The following SCFD1 variants were observed in gnomAD, a reference collection of about 807,000 sequenced individuals.
The protein encoded by SCFD1 is sec1 family domain containing 1, also known as sec1 family domain-containing protein 1.
A neutral mutation model predicts 103.2 loss-of-function variants in SCFD1; 37 were observed. The ratio of observed to expected loss-of-function variants is 0.36; its 90% CI spans 0.28 to 0.47. SCFD1 has a LOEUF of 0.47. Ranked by LOEUF, SCFD1 falls within the 20% of genes least tolerant of loss-of-function variation. The pLI, the probability that SCFD1 is intolerant of heterozygous loss-of-function variation, is 1.00. For synonymous variants in SCFD1, 264 were observed against 245.0 expected (o/e 1.08, Z -0.73); for missense variants, 639 against 761.2 (o/e 0.84, Z 1.89).
At chr14:30,710,383 CA>C (rs759817101) in intron 19 of SCFD1, among the ~76,000 whole-genome samples, 7 of 128,814 alleles carry the variant, frequency 5.4e-5, no homozygotes, top group Admixed American at 1.7e-4. Flanking sequence ...TAGGTATTGA[CA>C]GGGGGTAGGA....
intron 7 of SCFD1, among the ~76,000 whole-genome samples, chr14:30,649,067 T>C (rs1259917577): frequency 6.6e-6 from 1 of 152,146 alleles, no homozygotes; most frequent in Non-Finnish European, 1.5e-5. Flanking sequence ...TCACATTGAT[T>C]GGTCAGCTCC....
intron 7 of SCFD1, among the ~76,000 whole-genome samples, chr14:30,648,075 T>G (rs566857907): frequency 3.9e-5 from 6 of 152,326 alleles, no homozygotes; most frequent in Non-Finnish European, 5.9e-5. Flanking sequence ...CGTATTTTTG[T>G]TTTTTTACAT....
At chr14:30,660,179 C>G (rs1360667905) in intron 10 of SCFD1, among the ~76,000 whole-genome samples, 2 of 152,102 alleles carry the variant, frequency 1.3e-5, no homozygotes, top group Non-Finnish European at 2.9e-5. Context: ...CAGTTCCTCC[C>G]TCCTCACTTC....
At chr14:30,734,712 C>A in intron 23 of SCFD1, 78 bp from the exon 24 acceptor site, 1 of 1,102,376 alleles carries the variant, frequency 9.1e-7, no homozygotes, top group Non-Finnish European at 1.4e-6. Context: ...AAAAAACTAG[C>A]ATATTAATCT....
intron 15 of SCFD1, among the ~76,000 whole-genome samples, chr14:30,698,764 G>A (rs1275149766): frequency 6.6e-6 from 1 of 152,182 alleles, no homozygotes; most frequent in African/African-American, 2.4e-5. Flanking sequence ...CAAGGAAATG[G>A]GAAAGTACCA....
intron 14 of SCFD1, among the ~76,000 whole-genome samples, chr14:30,694,254 T>G (rs1890527782): frequency 6.6e-6 from 1 of 152,210 alleles, no homozygotes; most frequent in African/African-American, 2.4e-5. Context: ...TTTTTATCTT[T>G]GCTAATATAT....
At chr14:30,717,582 T>C (rs142138342) in intron 20 of SCFD1, among the ~76,000 whole-genome samples, 101 of 152,258 alleles carry the variant, frequency 6.6e-4, no homozygotes, top group African/African-American at 1.9e-3. Context: ...ATTTATTGAG[T>C]ACTTATCATG....
chr14:30,672,029 G>A (rs8006314), intron 11 of SCFD1, among the ~76,000 whole-genome samples: 71,522 of 147,054 alleles, frequency 0.49, 20,093 homozygotes, highest in African/African-American at 0.78. Context: ...AAAAAAAAAA[G>A]AAAGAAAAGA....
At chr14:30,705,933 C>A in intron 18 of SCFD1, 48 bp downstream of exon 18, 1 of 1,454,328 alleles carries the variant, frequency 6.9e-7, no homozygotes, top group Non-Finnish European at 9.6e-7. Context: ...CAAAACCTTA[C>A]TTAGACTTTC....
chr14:30,697,074 G>T lies in SCFD1; in HGVS notation c.1339+2205G>T, dbSNP rs182100453. ...TAAATATAGATTGTATGTTGGGGGG[G>T]GCGGTGTATACTCATGTATTCCGTA... is the stretch of plus-strand genomic sequence containing the variant. On this transcript the variant is annotated intron_variant, in intron 15 of 24. Transcript: ENST00000458591. 2.3e-4 allele frequency among the ~76,000 whole-genome samples: 35 copies of T among 152,166 alleles called. No homozygotes were observed. The East Asian group carries it at 4.6e-3, about 20-fold the overall frequency.
chr14:30,714,731 C>G (rs1892155148), intron 19 of SCFD1, among the ~76,000 whole-genome samples: 1 of 151,974 alleles, frequency 6.6e-6, no homozygotes, highest in Admixed American at 6.5e-5. Flanking sequence ...TATAAACAAT[C>G]AGATTGAATG....
intron 14 of SCFD1, among the ~76,000 whole-genome samples, chr14:30,675,956 A>G (rs920403059): frequency 6.6e-6 from 1 of 152,168 alleles, no homozygotes; most frequent in African/African-American, 2.4e-5. Flanking sequence ...TCTTTGTTTC[A>G]CATCTTGGTA....
At chr14:30,720,170 G>A (rs1282974402) in intron 21 of SCFD1, among the ~76,000 whole-genome samples, 1 of 152,114 alleles carries the variant, frequency 6.6e-6, no homozygotes, top group African/African-American at 2.4e-5. Context: ...AACTTGAAAC[G>A]TTATTCCCTT....
rs1182473460 is a variant in SCFD1, at chr14:30,703,964, A to ATAT, written c.1490+1589_1490+1590insTAT. Among the ~76,000 whole-genome samples, 108 of 35,130 alleles carry ATAT rather than the reference A, an allele frequency of 3.1e-3. 10 individuals are homozygous for ATAT. Among genetic ancestry groups the ATAT allele is most frequent in the Non-Finnish European group, 3.6e-3 (79 of 22,012 alleles). 23.0% of individuals were successfully genotyped at this position (35,130 alleles called of 152,430 possible). On this transcript the variant is annotated intron_variant, in intron 17 of 24. Transcript: ENST00000458591. ...ATATATATATATATATATATATATAAATAATGAGATATCTTGGGGATGGGA... is the reference window on the plus strand; with the variant it reads ...ATATATATATATATATATATATATAATATATAATGAGATATCTTGGGGATGGGA...
At chr14:30,705,928 C>T (rs750175065) in intron 18 of SCFD1, 43 bp downstream of exon 18, 8 of 1,488,382 alleles carry the variant, frequency 5.4e-6, no homozygotes, top group Non-Finnish European at 7.5e-6. Context: ...GTACTCAAAA[C>T]CTTACTTAGA....
intron 10 of SCFD1, among the ~76,000 whole-genome samples, chr14:30,667,773 G>T (rs1888141274): frequency 6.6e-6 from 1 of 152,156 alleles, no homozygotes; most frequent in African/African-American, 2.4e-5. Flanking sequence ...CAGACAAAGA[G>T]CCAAATCCTG....
chr14:30,735,458 T>A, intron 24 of SCFD1, 128 bp from the exon 25 acceptor site: 1 of 696,014 alleles, frequency 1.4e-6, no homozygotes, highest in Admixed American at 2.8e-5. Flanking sequence ...ACATTAAGAT[T>A]TATTATTCTA....
intron 23 of SCFD1, among the ~76,000 whole-genome samples, chr14:30,727,279 C>T (rs545860537): frequency 5.9e-5 from 9 of 152,298 alleles, no homozygotes; most frequent in South Asian, 2.1e-4. Flanking sequence ...ATCATAACTG[C>T]GTTTAATAGT....
At chr14:30,733,947 T>G (rs985786220) in intron 23 of SCFD1, among the ~76,000 whole-genome samples, 4 of 152,156 alleles carry the variant, frequency 2.6e-5, no homozygotes, top group Admixed American at 2.6e-4. Flanking sequence ...TACCTTTAAT[T>G]AATGCCTGTT....
Sources: allele counts gnomAD v4.1 joint callset (sites outside exome capture counted in the v4.1 genomes callset), GRCh38; gene constraint gnomAD v4.1.1; transcripts MANE v1.5; gene names NCBI Gene and HGNC (gene_info 2026-07-23, HGNC 2026-07-21).